Variants in SYNPO2 observed in about 807,000 individuals in gnomAD.
SYNPO2 encodes the protein synaptopodin-2.
Under a neutral mutation model 85.0 loss-of-function variants are expected in SYNPO2, and 56 were observed. The observed-to-expected ratio is 0.66, with a 90% CI of 0.53 to 0.82. SYNPO2 has a LOEUF of 0.82. Ranked by LOEUF, SYNPO2 falls within the 40% of genes least tolerant of loss-of-function variation. The pLI is 0.00. For synonymous variants in SYNPO2, 602 were observed against 591.1 expected, an observed-to-expected ratio of 1.02 and a Z score of -0.27; for missense variants, 1,575 against 1,534.2, an observed-to-expected ratio of 1.03 and a Z score of -0.44.
chr4:119,041,076 C>T (rs758132170), intron 4 of SYNPO2, among the ~76,000 whole-genome samples: 2 of 152,184 alleles, frequency 1.3e-5, no homozygotes, highest in Non-Finnish European at 2.9e-5. Context: ...GCCTTTCAAA[C>T]CCAGGGAATT....
intron 1 of SYNPO2, among the ~76,000 whole-genome samples, chr4:118,932,005 A>C (rs1733946900): frequency 6.6e-6 from 1 of 152,222 alleles, no homozygotes; most frequent in African/African-American, 2.4e-5. Context: ...CTCATTTTGC[A>C]AGCTGTGAAT....
At chr4:119,040,105 G>A (rs1408706426) in intron 4 of SYNPO2, among the ~76,000 whole-genome samples, 1 of 152,152 alleles carries the variant, frequency 6.6e-6, no homozygotes, top group African/African-American at 2.4e-5. Context: ...GAAACAATAT[G>A]CATTTTGTAT....
At chr4:118,875,921 T>C (rs1203419600) in intron 1 of SYNPO2, among the ~76,000 whole-genome samples, 1 of 152,230 alleles carries the variant, frequency 6.6e-6, no homozygotes, top group African/African-American at 2.4e-5. Flanking sequence ...CACATACATA[T>C]ATTCCACTAA....
rs1412565701 is a variant in SYNPO2, at chr4:119,060,672, A to G, written c.*2738A>G. Reference sequence around the variant, plus strand: ...TGTTATAAAGCATTTGTTTGTTAGTATCAATCACATAGGTAGAAAGAGTTT... The same window carrying G: ...TGTTATAAAGCATTTGTTTGTTAGTGTCAATCACATAGGTAGAAAGAGTTT... On this transcript the variant is annotated 3_prime_UTR_variant, in exon 5 of 5. Coordinates refer to ENST00000307142, the MANE Select transcript of SYNPO2 (RefSeq NM_133477.3). The G allele has an allele frequency of 6.6e-6, 1 of 152,208 alleles. No homozygotes were observed. The highest frequency in any genetic ancestry group is 6.5e-5 in the Admixed American group (1 of 15,278). 9.4% of individuals were successfully genotyped at this position (152,208 alleles called of 1,614,324 possible).
At chr4:118,883,421 T>G (rs1732145822) in intron 1 of SYNPO2, among the ~76,000 whole-genome samples, 1 of 152,216 alleles carries the variant, frequency 6.6e-6, no homozygotes, top group South Asian at 2.1e-4. Context: ...ATGAAATTAT[T>G]GCAGAATAAG....
chr4:118,929,938 G>C (rs12648221), intron 1 of SYNPO2, among the ~76,000 whole-genome samples: 1 of 151,850 alleles, frequency 6.6e-6, no homozygotes, highest in Non-Finnish European at 1.5e-5. Context: ...TTAGTAAATA[G>C]AAACTACATC....
intron 1 of SYNPO2, among the ~76,000 whole-genome samples, chr4:118,871,778 C>T (rs1202421638): frequency 6.6e-6 from 1 of 152,040 alleles, no homozygotes; most frequent in Non-Finnish European, 1.5e-5. Flanking sequence ...ACATTGTTAG[C>T]CAGGATGATC....
At chr4:119,023,352 A>T in intron 1 of SYNPO2, 78 bp from the exon 2 acceptor site, 1 of 1,456,756 alleles carries the variant, frequency 6.9e-7, no homozygotes, top group Non-Finnish European at 9.2e-7. Flanking sequence ...CTGTTGACAG[A>T]TTTGTTTCTC....
chr4:118,921,565 T>C (rs992772121), intron 1 of SYNPO2, among the ~76,000 whole-genome samples: 1 of 152,078 alleles, frequency 6.6e-6, no homozygotes, highest in Non-Finnish European at 1.5e-5. Context: ...CTGGGAAACA[T>C]AGTAAGACTC....
intron 4 of SYNPO2, among the ~76,000 whole-genome samples, chr4:119,052,238 A>C (rs980416242): frequency 3.9e-5 from 6 of 152,204 alleles, no homozygotes; most frequent in African/African-American, 1.4e-4. Context: ...AGGCCAGTCC[A>C]GGCTAGGAGC....
chr4:119,007,265 T>TATACATATATATATGTATATAC (rs1560972565), intron 1 of SYNPO2, among the ~76,000 whole-genome samples: 4 of 89,266 alleles, frequency 4.5e-5, no homozygotes, highest in African/African-American at 2.2e-4. Context: ...TATATATATA[T>TATACATATATATATGTATATAC]ATATATATAT....
intron 1 of SYNPO2, among the ~76,000 whole-genome samples, chr4:118,871,368 T>A (rs948113540): frequency 1.3e-5 from 2 of 152,068 alleles, no homozygotes; most frequent in Admixed American, 6.5e-5. Context: ...CTTTTTTTTT[T>A]AAAGAATTGT....
At chr4:119,020,369 CTTAT>C (rs972829051) in intron 1 of SYNPO2, among the ~76,000 whole-genome samples, 16 of 152,152 alleles carry the variant, frequency 1.1e-4, no homozygotes, top group Non-Finnish European at 2.1e-4. Context: ...GATGCACTGG[CTTAT>C]TTAGATACCA....
At chr4:118,861,641 T>C (rs1177500224) in intron 1 of SYNPO2, among the ~76,000 whole-genome samples, 4 of 152,170 alleles carry the variant, frequency 2.6e-5, no homozygotes, top group Admixed American at 2.0e-4. Context: ...TTGTCGAAAA[T>C]GAGTTCACTG....
Position 119,030,477 on chromosome 4 carries a change from A to C in SYNPO2, c.1702A>C (p.Asn568His). The C allele has an allele frequency of 6.2e-7, 1 of 1,614,062 alleles. No individual in the cohort carries two copies. Among genetic ancestry groups the C allele is most frequent in the Non-Finnish European group, 8.5e-7 (1 of 1,179,974 alleles). ...SHGLGHVPQQ[N>H]GFSGTSETAN... is the part of the protein sequence containing the mutation. The stretch of plus-strand genomic sequence containing the variant: ...TGGTCTTGGCCATGTTCCCCAACAG[A>C]ATGGCTTCAGTGGGACATCTGAGAC... Residue 568 changes from asparagine to histidine, a missense_variant, in exon 4 of 5, where the codon AAT becomes CAT. This residue lies in a region of SYNPO2 where 1,508 missense variants were observed against 1,446.8 expected (regional missense o/e 1.04). Coordinates refer to ENST00000307142, the MANE Select transcript of SYNPO2 (RefSeq NM_133477.3).
chr4:118,936,987 A>G (rs1241315219), intron 1 of SYNPO2, among the ~76,000 whole-genome samples: 5 of 152,110 alleles, frequency 3.3e-5, no homozygotes, highest in Non-Finnish European at 7.4e-5. Context: ...TCCCAATTTT[A>G]CTGCCACCAG....
intron 1 of SYNPO2, among the ~76,000 whole-genome samples, chr4:118,932,608 G>A (rs1319493859): frequency 6.6e-6 from 1 of 152,106 alleles, no homozygotes; most frequent in African/African-American, 2.4e-5. Flanking sequence ...TAGAAACTGA[G>A]CACAGACTAA....
intron 1 of SYNPO2, among the ~76,000 whole-genome samples, chr4:118,961,547 T>C (rs1023660296): frequency 6.6e-6 from 1 of 152,210 alleles, no homozygotes; most frequent in Non-Finnish European, 1.5e-5. Context: ...CCAACGACCT[T>C]TACTAGAGCA....
intron 4 of SYNPO2, among the ~76,000 whole-genome samples, chr4:119,048,625 T>C (rs1738943499): frequency 6.6e-6 from 1 of 152,134 alleles, no homozygotes; most frequent in African/African-American, 2.4e-5. Context: ...TTTGAGTAAG[T>C]CCTGAAGAAA....
Sources: gnomAD v4.1 joint callset for allele counts (sites outside exome capture counted in the v4.1 genomes callset) on GRCh38, gnomAD v4.1.1 for gene constraint, gnomAD v4.1.1 regional missense constraint, MANE v1.5 for transcripts, NCBI Gene and HGNC (gene_info 2026-07-23, HGNC 2026-07-21) for gene names.